The following NAALADL2 variants were observed in gnomAD, a reference collection of about 807,000 sequenced individuals.
The protein encoded by NAALADL2 is N-acetylated alpha-linked acidic dipeptidase like 2.
Under a neutral mutation model 87.2 loss-of-function variants are expected in NAALADL2, and 76 were observed. The observed-to-expected ratio is 0.87, with a 90% CI of 0.72 to 1.05. NAALADL2 has a LOEUF of 1.05. Among genes scored for constraint, NAALADL2 ranks in the 50% least tolerant of loss-of-function variants. The pLI is 0.00. For missense variants in NAALADL2, 1,089 were observed against 945.8 expected (o/e 1.15, Z -1.99); for synonymous variants, 354 against 331.0 (o/e 1.07, Z -0.75).
At chr3:175,389,400 G>T (rs1768808214) in intron 5 of NAALADL2, among the ~76,000 whole-genome samples, 1 of 152,012 alleles carries the variant, frequency 6.6e-6, no homozygotes, top group Non-Finnish European at 1.5e-5. Context: ...TTTATTTATT[G>T]TTCTGGCTTT....
intron 12 of NAALADL2, among the ~76,000 whole-genome samples, chr3:175,752,325 AG>A (rs1293232380): frequency 1.3e-5 from 2 of 152,118 alleles, no homozygotes; most frequent in Non-Finnish European, 2.9e-5. Context: ...TGGCACTTTT[AG>A]GTGCTAGGGA....
At chr3:174,643,495 A>G (rs1158631893) in intron 2 of NAALADL2, among the ~76,000 whole-genome samples, 1 of 152,068 alleles carries the variant, frequency 6.6e-6, no homozygotes, top group Admixed American at 6.5e-5. Context: ...TCTACTAAAA[A>G]TACAAAAAAT....
At chr3:174,549,805 C>A (rs1473609611) in intron 1 of NAALADL2, among the ~76,000 whole-genome samples, 1 of 152,148 alleles carries the variant, frequency 6.6e-6, no homozygotes, top group Non-Finnish European at 1.5e-5. Context: ...CATAGCCAAT[C>A]TCTCAGGAAC....
chr3:174,740,174 T>A (rs1530651), intron 3 of NAALADL2, among the ~76,000 whole-genome samples: 86,991 of 151,468 alleles, frequency 0.57, 25,735 homozygotes, highest in African/African-American at 0.71. Flanking sequence ...CCTAATTTTT[T>A]AAAAAAATTG....
intron 2 of NAALADL2, among the ~76,000 whole-genome samples, chr3:175,180,615 G>A (rs898266273): frequency 5.3e-5 from 8 of 151,902 alleles, no homozygotes; most frequent in South Asian, 2.1e-4. Context: ...GAAGGAGATC[G>A]AAATTTTAAA....
At chr3:175,256,642 A>G (rs1749998241) in intron 4 of NAALADL2, 112 bp downstream of exon 4, 1 of 910,002 alleles carries the variant, frequency 1.1e-6, no homozygotes, top group East Asian at 3.1e-5. Context: ...TGTGTGAGAG[A>G]GAGAAGGGGA....
rs1755493843 is a variant in NAALADL2, at chr3:175,052,206, GTTTAAGAACATC to G, written c.44-44580_44-44569del. Among the ~76,000 whole-genome samples, 3 of 152,320 alleles carry G rather than the reference GTTTAAGAACATC, an allele frequency of 2.0e-5. No homozygotes were observed. The South Asian group carries it at 6.2e-4, about 32-fold the overall frequency. ...CAGATCACTCATGCTATTGTTTGTG[GTTTAAGAACATC>G]TTTCAGTGGTTTTCCGCCCTGAGTG... On this transcript the variant is annotated intron_variant, in intron 1 of 13. Transcript: ENST00000454872.
At chr3:175,138,805 A>G (rs1327262557) in intron 2 of NAALADL2, among the ~76,000 whole-genome samples, 1 of 146,260 alleles carries the variant, frequency 6.8e-6, no homozygotes, top group Non-Finnish European at 1.5e-5. Context: ...ATATACTGCT[A>G]TTGGTAGTTT....
At chr3:175,276,439 G>T (rs1279232075) in intron 4 of NAALADL2, among the ~76,000 whole-genome samples, 1 of 151,974 alleles carries the variant, frequency 6.6e-6, no homozygotes, top group African/African-American at 2.4e-5. Flanking sequence ...AAGTAGCTGG[G>T]ACTACAGGCA....
chr3:175,775,639 C>G (rs1436653202), intron 13 of NAALADL2, among the ~76,000 whole-genome samples: 2 of 152,094 alleles, frequency 1.3e-5, no homozygotes, highest in Non-Finnish European at 2.9e-5. Context: ...CATTCTTTTG[C>G]CAATTTGCGA....
At chr3:174,444,709 G>GTA (rs1232355053) in intron 1 of NAALADL2, among the ~76,000 whole-genome samples, 1 of 152,144 alleles carries the variant, frequency 6.6e-6, no homozygotes, top group Non-Finnish European at 1.5e-5. Context: ...ACTCTTTTCT[G>GTA]TTTAAGTACC....
rs200699032 is a variant in NAALADL2, at chr3:174,661,323, TAATG to T, written c.-114-76314_-114-76311del. 8.4e-3 allele frequency among the ~76,000 whole-genome samples: 1,279 copies of T among 152,290 alleles called. 9 individuals are homozygous for T. The highest frequency in any genetic ancestry group is 0.029 in the African/African-American group (1,209 of 41,570). ...TGCTCAGTATTTTGAATAGTTTTTA[TAATG>T]AATATTAAAGAAGAACTGTTTGAAG... On this transcript the variant is annotated intron_variant, in intron 2 of 3. Transcript: ENST00000434257.
intron 3 of NAALADL2, among the ~76,000 whole-genome samples, chr3:175,238,677 A>G (rs1746330778): frequency 6.6e-6 from 1 of 152,202 alleles, no homozygotes. Context: ...CACATATTTT[A>G]TATGCCTGTT....
At position 175,737,337 on chromosome 3, in the gene NAALADL2, A is replaced by G. The variant is rs750117806; in HGVS notation, c.1928A>G (p.Asn643Ser). 8.1e-6 allele frequency: 13 copies of G among 1,612,374 alleles called. 1 individual carries two copies. The African/African-American group carries it at 9.3e-5, about 12-fold the overall frequency. Residue 643 changes from asparagine to serine, a missense_variant, in exon 12 of 14, where the codon AAC becomes AGC. Physicochemically the swap from Asn to Ser is conservative, Grantham distance 46. Transcript: ENST00000454872. Reference sequence around the variant, plus strand: ...GGAGAAGTGATTTTGCAAATTGCCAACGAACCTGTTCTGCCCTTTAATGCA... The same window carrying G: ...GGAGAAGTGATTTTGCAAATTGCCAGCGAACCTGTTCTGCCCTTTAATGCA... Reference protein sequence around the residue: ...LSGEVILQIANEPVLPFNALD... With the variant: ...LSGEVILQIASEPVLPFNALD...
At chr3:175,558,278 GA>G (rs1695503930) in intron 9 of NAALADL2, among the ~76,000 whole-genome samples, 1 of 150,662 alleles carries the variant, frequency 6.6e-6, no homozygotes, top group Non-Finnish European at 1.5e-5. Flanking sequence ...CAGGTTATTA[GA>G]TTTTTTTTCC....
intron 11 of NAALADL2, among the ~76,000 whole-genome samples, chr3:175,701,731 T>C (rs1041611423): frequency 6.6e-6 from 1 of 152,172 alleles, no homozygotes; most frequent in African/African-American, 2.4e-5. Context: ...AAAAATGACT[T>C]CCAAAGGCCA....
intron 2 of NAALADL2, among the ~76,000 whole-genome samples, chr3:175,176,830 T>C (rs1735765909): frequency 6.6e-6 from 1 of 152,020 alleles, no homozygotes; most frequent in Non-Finnish European, 1.5e-5. Context: ...TGAAGAAACA[T>C]AGTACTGCTG....
intron 4 of NAALADL2, among the ~76,000 whole-genome samples, chr3:175,323,667 A>AG (rs1477592619): frequency 6.6e-6 from 1 of 151,742 alleles, no homozygotes; most frequent in Non-Finnish European, 1.5e-5. Context: ...GAGGAAAAAA[A>AG]AAAAGGCCAG....
chr3:175,702,133 T>C (rs1582946631), intron 11 of NAALADL2, among the ~76,000 whole-genome samples: 2 of 152,268 alleles, frequency 1.3e-5, no homozygotes, highest in East Asian at 3.9e-4. Flanking sequence ...AGATAACACA[T>C]GGCGTTATAA....
Sources: allele counts gnomAD v4.1 joint callset (sites outside exome capture counted in the v4.1 genomes callset), GRCh38; gene constraint gnomAD v4.1.1; transcripts MANE v1.5; gene names NCBI Gene and HGNC (gene_info 2026-07-23, HGNC 2026-07-21).